Variants in BMPR1A observed in about 807,000 individuals in gnomAD.
The protein encoded by BMPR1A is bone morphogenetic protein receptor type-1A.
BMPR1A carries 7 observed loss-of-function variants against 66.0 expected under a neutral mutation model. The observed-to-expected ratio is 0.11, with a 90% confidence interval of 0.06 to 0.20. The LOEUF is 0.20. BMPR1A is among the 10% of genes least tolerant of loss of function. The probability of loss-of-function intolerance (pLI) is 1.00; values close to 1 mark genes in which losing one functional copy is unlikely to be tolerated. For synonymous variants in BMPR1A, 200 were observed against 229.7 expected (o/e 0.87, Z 1.17); for missense variants, 408 against 669.1 (o/e 0.61, Z 4.31).
chr10:86,839,592 C>CAAAAA (rs1210538965), intron 2 of BMPR1A, among the ~76,000 whole-genome samples: 1 of 73,044 alleles, frequency 1.4e-5, no homozygotes, highest in Non-Finnish European at 2.6e-5. Context: ...GACTCTGTCT[C>CAAAAA]AAAAAAAAAA....
At chr10:86,909,509 C>T (rs1843445555) in intron 7 of BMPR1A, among the ~76,000 whole-genome samples, 1 of 151,036 alleles carries the variant, frequency 6.6e-6, no homozygotes. Context: ...TTGATCAAAC[C>T]AGGAAGGCGG....
intron 1 of BMPR1A, among the ~76,000 whole-genome samples, chr10:86,764,498 A>C (rs1424725153): frequency 6.6e-6 from 1 of 152,254 alleles, no homozygotes; most frequent in Non-Finnish European, 1.5e-5. Flanking sequence ...TTGTACGTGT[A>C]TATTTTAGCA....
At chr10:86,794,523 T>C (rs997106412) in intron 1 of BMPR1A, among the ~76,000 whole-genome samples, 5 of 152,218 alleles carry the variant, frequency 3.3e-5, no homozygotes, top group African/African-American at 9.6e-5. Context: ...GTTGTGAAGA[T>C]CAAATTAAGT....
intron 2 of BMPR1A, among the ~76,000 whole-genome samples, chr10:86,864,467 C>T (rs1195255435): frequency 6.6e-6 from 1 of 152,214 alleles, no homozygotes; most frequent in East Asian, 1.9e-4. Flanking sequence ...CTTTATCAGT[C>T]CTCCAGGCCC....
intron 11 of BMPR1A, among the ~76,000 whole-genome samples, chr10:86,921,937 AT>A (rs1228506031): frequency 6.6e-6 from 1 of 152,140 alleles, no homozygotes; most frequent in African/African-American, 2.4e-5. Flanking sequence ...TCCTTGAGTT[AT>A]TTTTAAGTGT....
chr10:86,884,821 G>T (rs2133370149), intron 3 of BMPR1A, among the ~76,000 whole-genome samples: 1 of 152,284 alleles, frequency 6.6e-6, no homozygotes, highest in South Asian at 2.1e-4. Context: ...TGTCGGACAT[G>T]TGTCAGCATG....
chr10:86,835,087 T>A (rs1457232168), intron 1 of BMPR1A, among the ~76,000 whole-genome samples: 1 of 151,822 alleles, frequency 6.6e-6, no homozygotes, highest in Non-Finnish European at 1.5e-5. Context: ...AAGTTAATCT[T>A]AAATTTTGGC....
At chr10:86,930,502 T>TC (rs920193947), downstream of BMPR1A, 2 of 152,364 alleles carry the variant, frequency 1.3e-5, no homozygotes, top group African/African-American at 4.8e-5. Context: ...GGTCTCGAAC[T>TC]CCCAACCTCA....
chr10:86,840,001 T>C (rs1194664846), intron 2 of BMPR1A, among the ~76,000 whole-genome samples: 1 of 152,098 alleles, frequency 6.6e-6, no homozygotes, highest in African/African-American at 2.4e-5. Context: ...AATAGATCTT[T>C]GGAAATAGAA....
chr10:86,870,310 C>T (rs1842839428), intron 2 of BMPR1A, among the ~76,000 whole-genome samples: 1 of 152,212 alleles, frequency 6.6e-6, no homozygotes, highest in South Asian at 2.1e-4. Context: ...TCACTCCTGT[C>T]AAAATCACTC....
At chr10:86,795,886 C>G (rs1841702302) in intron 1 of BMPR1A, among the ~76,000 whole-genome samples, 1 of 151,948 alleles carries the variant, frequency 6.6e-6, no homozygotes, top group African/African-American at 2.4e-5. Context: ...CAATTTATCT[C>G]AAATTGATAT....
intron 1 of BMPR1A, among the ~76,000 whole-genome samples, chr10:86,817,839 G>C (rs7912014): frequency 0.042 from 6,336 of 152,226 alleles, 447 homozygotes; most frequent in African/African-American, 0.14. Flanking sequence ...ACTGGAGAAA[G>C]AGAACCCTTT....
intron 2 of BMPR1A, among the ~76,000 whole-genome samples, chr10:86,844,772 ATTTTTTAT>A (rs2133143797): frequency 6.6e-6 from 1 of 152,040 alleles, no homozygotes; most frequent in East Asian, 1.9e-4. Context: ...TTGAACTATT[ATTTTTTAT>A]TTATTTATTT....
chr10:86,907,766 A>C (rs1475763923), intron 7 of BMPR1A, among the ~76,000 whole-genome samples: 1 of 152,216 alleles, frequency 6.6e-6, no homozygotes, highest in African/African-American at 2.4e-5. Context: ...AAAAAGGTTG[A>C]TTTCATAGAG....
chr10:86,932,776 C>T (rs1471230104), downstream of BMPR1A: 1 of 152,234 alleles, frequency 6.6e-6, no homozygotes, highest in Non-Finnish European at 1.5e-5. Flanking sequence ...TTCTAAGCAA[C>T]ATGTCACGAG....
chr10:86,896,760 A>G (rs1040290634), intron 5 of BMPR1A, among the ~76,000 whole-genome samples: 1 of 152,248 alleles, frequency 6.6e-6, no homozygotes, highest in Non-Finnish European at 1.5e-5. Flanking sequence ...AATTATTAAT[A>G]TATTGCAGCC....
intron 12 of BMPR1A, 23 bp downstream of exon 12, chr10:86,923,529 A>G: frequency 5.6e-6 from 9 of 1,614,224 alleles, no homozygotes; most frequent in Non-Finnish European, 4.2e-6. Context: ...CAGTCCCCTG[A>G]AGAAGTGATT....
At chr10:86,819,607 A>T (rs1319488228) in intron 1 of BMPR1A, among the ~76,000 whole-genome samples, 2 of 152,168 alleles carry the variant, frequency 1.3e-5, no homozygotes, top group Non-Finnish European at 2.9e-5. Context: ...CCACAACTTG[A>T]ATTTTCATAG....
chr10:86,806,433 A>G (rs1295588596), intron 1 of BMPR1A, among the ~76,000 whole-genome samples: 2 of 152,180 alleles, frequency 1.3e-5, no homozygotes, highest in African/African-American at 2.4e-5. Context: ...CACTAGTTCT[A>G]CATTTATCAT....
Sources: allele counts gnomAD v4.1 joint callset (sites outside exome capture counted in the v4.1 genomes callset), GRCh38; gene constraint gnomAD v4.1.1; transcripts MANE v1.5; gene names NCBI Gene and HGNC (gene_info 2026-07-23, HGNC 2026-07-21).